SH3KBP1: variants seen among roughly 807,000 people sequenced by gnomAD.
SH3KBP1 encodes the protein SH3 domain-containing kinase-binding protein 1.
Under a neutral mutation model 50.1 loss-of-function variants are expected in SH3KBP1, and 8 were observed. The ratio of observed to expected loss-of-function variants is 0.16; its 90% confidence interval spans 0.09 to 0.29. SH3KBP1 has a LOEUF of 0.29. SH3KBP1 is among the 10% of genes least tolerant of loss of function. The pLI is 1.00. For synonymous variants in SH3KBP1, 227 were observed against 218.6 expected (o/e 1.04, Z -0.34); for missense variants, 377 against 535.2 (o/e 0.70, Z 2.92).
Position 19,550,054 on chromosome X carries a change from A to AT in SH3KBP1, c.1413dup (p.Ser472IlefsTer3). On this transcript the variant is annotated frameshift_variant, in exon 14 of 18. Coordinates refer to ENST00000397821, the MANE Select transcript of SH3KBP1 (RefSeq NM_031892.3). LOFTEE classifies it high-confidence loss of function. The stretch of plus-strand genomic sequence containing the variant: ...GTCGGATGACTGAGTTTCTCAGTAG[A>AT]TGATACCACGGAGTCAAAACCTTCT... 1 of 1,208,295 alleles carries AT rather than the reference A, an allele frequency of 8.3e-7. No homozygotes were observed. The highest frequency in any genetic ancestry group is 1.1e-6 in the Non-Finnish European group (1 of 893,345).
At chrX:19,739,086 A>G (rs1188645592) in intron 3 of SH3KBP1, among the ~76,000 whole-genome samples, 1 of 108,895 alleles carries the variant, frequency 9.2e-6, no homozygotes, top group Non-Finnish European at 1.9e-5. Flanking sequence ...TGAATGCATT[A>G]TTCCCATAGA....
chrX:19,631,980 T>C lies in SH3KBP1; in HGVS notation c.803-22A>G, dbSNP rs1239376840. 19 of 1,031,834 alleles carry C rather than the reference T, an allele frequency of 1.8e-5. No homozygotes were observed. In the Admixed American group the frequency reaches 4.4e-4, roughly 24 times the overall value. The allele number at this position is 1,031,834 out of a possible 1,213,427, so 85.0% of individuals were successfully genotyped here. A position where few individuals can be genotyped will look rare whatever the true frequency, so the allele number is the denominator to read the frequency against. On this transcript the variant is annotated intron_variant, in intron 7 of 17. Coordinates refer to ENST00000397821, the MANE Select transcript of SH3KBP1 (RefSeq NM_031892.3). ...TTGCCTATAAGAAAAACAGAAAACA[T>C]AACCTTTAAAATGCTTTATCTAATG...
At chrX:19,873,287 T>TATATATATATATATATATAC (rs2069115356) in intron 1 of SH3KBP1, among the ~76,000 whole-genome samples, 3 of 71,447 alleles carry the variant, frequency 4.2e-5, no homozygotes, top group African/African-American at 1.9e-4. Context: ...TATATATATA[T>TATATATATATATATATATAC]ATGTATATAT....
intron 8 of SH3KBP1, among the ~76,000 whole-genome samples, chrX:19,624,983 T>C (rs2148234890): frequency 8.9e-6 from 1 of 112,056 alleles, no homozygotes; most frequent in South Asian, 3.7e-4. Context: ...AATTTACTCC[T>C]CACCCTTGGA....
intron 2 of SH3KBP1, among the ~76,000 whole-genome samples, chrX:19,749,700 T>A (rs1287152868): frequency 8.9e-6 from 1 of 112,637 alleles, no homozygotes; most frequent in Admixed American, 9.4e-5. Context: ...GTTAAAGGGT[T>A]CTCTCAGGAG....
rs772169088 is a variant in SH3KBP1 at position 19,631,879 on chromosome X, G to A, written c.882C>T (p.Val294=). 3.4e-6 allele frequency: 4 copies of A among 1,185,229 alleles called. No homozygotes were observed. In the Admixed American group the frequency reaches 8.8e-5, roughly 26 times the overall value. Residue 294 remains valine, a synonymous_variant, in exon 8 of 18, where the codon GTC becomes GTT. Coordinates refer to ENST00000397821, the MANE Select transcript of SH3KBP1 (RefSeq NM_031892.3). ...DELTIKEGDI[V]TLINKDCIDV... ...CTTTGTTTACCTTATTGATGAGAGT[G>A]ACTATATCTCCTTCTTTGATTGTCA... is the stretch of plus-strand genomic sequence containing the variant.
intron 2 of SH3KBP1, among the ~76,000 whole-genome samples, chrX:19,830,316 T>C (rs1158441124): frequency 9.3e-6 from 1 of 107,795 alleles, no homozygotes; most frequent in African/African-American, 3.4e-5. Context: ...GGGTGGTGGT[T>C]ATAGAGGTAC....
rs934945877 is a variant in SH3KBP1 at position 19,708,472 on chromosome X, C to T, written c.287-1488G>A. ...ACTGTCAGCAGGCTGAGTAGTGCAA[C>T]CCCAAGGAGGGCTTGGCTCTCCCTA... On this transcript the variant is annotated intron_variant, in intron 3 of 17. Transcript: ENST00000397821. Among the ~76,000 whole-genome samples the T allele has an allele frequency of 3.6e-5, 4 of 111,483 alleles. 1 individual carries two copies. The highest frequency in any genetic ancestry group is 5.7e-5 in the Non-Finnish European group (3 of 53,042).
At chrX:19,773,488 C>CAA (rs1556360129) in intron 2 of SH3KBP1, among the ~76,000 whole-genome samples, 1 of 92,929 alleles carries the variant, frequency 1.1e-5, no homozygotes, top group African/African-American at 4.8e-5. Flanking sequence ...CTCTCTCACA[C>CAA]ACACAAACAC....
intron 2 of SH3KBP1, among the ~76,000 whole-genome samples, chrX:19,766,966 G>A (rs994372814): frequency 8.1e-5 from 9 of 111,506 alleles, no homozygotes; most frequent in South Asian, 3.7e-4. Context: ...AGATTAGAAC[G>A]TGGACACCTT....
intron 1 of SH3KBP1, among the ~76,000 whole-genome samples, chrX:19,873,128 G>A (rs950956834): frequency 1.0e-4 from 11 of 108,070 alleles, no homozygotes; most frequent in African/African-American, 2.0e-4. Flanking sequence ...TCACATCCTC[G>A]TCTATATAAT....
chrX:19,820,957 A>G (rs901030144), intron 2 of SH3KBP1, among the ~76,000 whole-genome samples: 2 of 111,931 alleles, frequency 1.8e-5, no homozygotes, highest in Admixed American at 9.5e-5. Context: ...AGTGAAGTGT[A>G]AAAACCTTAC....
chrX:19,771,735 G>A (rs936643079), intron 2 of SH3KBP1, among the ~76,000 whole-genome samples: 12 of 108,949 alleles, frequency 1.1e-4, no homozygotes, highest in Admixed American at 3.9e-4. Context: ...ATGGTGGTGC[G>A]CACCAGTAAT....
At chrX:19,746,247 G>A in intron 3 of SH3KBP1, 71 bp downstream of exon 3, 1 of 1,140,801 alleles carries the variant, frequency 8.8e-7, no homozygotes, top group Non-Finnish European at 1.2e-6. Context: ...TATAAAGTTT[G>A]ACACAGTTCA....
intron 13 of SH3KBP1, among the ~76,000 whole-genome samples, chrX:19,562,126 T>A (rs1198011037): frequency 9.0e-6 from 1 of 111,204 alleles, no homozygotes; most frequent in Non-Finnish European, 1.9e-5. Context: ...TTAATGAGAG[T>A]CCATGGCTAA....
chrX:19,799,825 G>T, intron 2 of SH3KBP1: 1 of 1,085,255 alleles, frequency 9.2e-7, no homozygotes, highest in Non-Finnish European at 1.2e-6. Context: ...TACCCAACCC[G>T]CCTGCCCCTC....
At chrX:19,701,480 T>C (rs181064365) in intron 4 of SH3KBP1, among the ~76,000 whole-genome samples, 60 of 111,023 alleles carry the variant, frequency 5.4e-4, no homozygotes, top group African/African-American at 1.9e-3. Context: ...GAGGTCTGCA[T>C]TAGGGGAGGT....
intron 3 of SH3KBP1, 55 bp from the exon 4 acceptor site, chrX:19,707,039 T>A: frequency 1.0e-6 from 1 of 994,755 alleles, no homozygotes; most frequent in Non-Finnish European, 1.4e-6. Context: ...AATCAGATTT[T>A]AAAGAGAGGC....
In SH3KBP1 at chrX:19,720,594, C is replaced by T. The variant is rs189699373; in HGVS notation, c.287-13610G>A. 4.1e-3 allele frequency among the ~76,000 whole-genome samples: 460 copies of T among 111,952 alleles called. 1 individual carries two copies. The highest frequency in any genetic ancestry group is 7.3e-3 in the Non-Finnish European group (390 of 53,138). Reference sequence around the variant, plus strand: ...ATGTAAGTTATTTATTGAGCATAAACAAGATTTCTCCTTTCTATCCAACAT... The same window carrying T: ...ATGTAAGTTATTTATTGAGCATAAATAAGATTTCTCCTTTCTATCCAACAT... On this transcript the variant is annotated intron_variant, in intron 3 of 17. Coordinates refer to ENST00000397821, the MANE Select transcript of SH3KBP1 (RefSeq NM_031892.3).
Sources: gnomAD v4.1 joint callset for allele counts (sites outside exome capture counted in the v4.1 genomes callset) on GRCh38, gnomAD v4.1.1 for gene constraint, MANE v1.5 for transcripts, NCBI Gene and HGNC (gene_info 2026-07-23, HGNC 2026-07-21) for gene names.